The following CAMK4 variants were observed in gnomAD, a reference collection of about 807,000 sequenced individuals.
CAMK4 encodes calcium/calmodulin dependent protein kinase IV.
CAMK4 carries 22 observed loss-of-function variants against 44.9 expected under a neutral mutation model. That is an observed-to-expected ratio of 0.49 (90% CI 0.35 to 0.70). The LOEUF is 0.70. CAMK4 is among the 30% of genes least tolerant of loss of function. The pLI is 0.01. For missense variants in CAMK4, 498 were observed against 586.8 expected (o/e 0.85, Z 1.56); for synonymous variants, 218 against 215.4 (o/e 1.01, Z -0.11).
At chr5:111,460,557 A>C (rs1252451848) in intron 7 of CAMK4, among the ~76,000 whole-genome samples, 1 of 152,106 alleles carries the variant, frequency 6.6e-6, no homozygotes, top group Non-Finnish European at 1.5e-5. Flanking sequence ...GAGACACTTT[A>C]AATTCTAAGT....
chr5:111,469,550 G>A (rs1459327349), intron 7 of CAMK4, among the ~76,000 whole-genome samples: 1 of 152,154 alleles, frequency 6.6e-6, no homozygotes, highest in Non-Finnish European at 1.5e-5. Flanking sequence ...AAAGCAGTTT[G>A]TGACACACTA....
chr5:111,274,842 C>A (rs1244665496), intron 1 of CAMK4, among the ~76,000 whole-genome samples: 2 of 151,862 alleles, frequency 1.3e-5, no homozygotes, highest in African/African-American at 2.4e-5. Context: ...CAGTTTCTTC[C>A]TTAAAATGTG....
intron 2 of CAMK4, among the ~76,000 whole-genome samples, chr5:111,361,636 A>G (rs1750595476): frequency 6.6e-6 from 1 of 152,058 alleles, no homozygotes; most frequent in Admixed American, 6.6e-5. Context: ...TTTATGGTCA[A>G]CTTAGATGTG....
At chr5:111,451,710 C>T (rs1418041958) in intron 7 of CAMK4, among the ~76,000 whole-genome samples, 1 of 151,950 alleles carries the variant, frequency 6.6e-6, no homozygotes, top group East Asian at 1.9e-4. Context: ...TCAAGACGAG[C>T]CTGGCCAACA....
intron 5 of CAMK4, among the ~76,000 whole-genome samples, chr5:111,417,659 T>A (rs1752864649): frequency 6.6e-6 from 1 of 152,218 alleles, no homozygotes; most frequent in Non-Finnish European, 1.5e-5. Context: ...CCTGACCAAT[T>A]TATCAACTTT....
intron 2 of CAMK4, among the ~76,000 whole-genome samples, chr5:111,344,452 T>C (rs1284681689): frequency 6.6e-6 from 1 of 151,386 alleles, no homozygotes; most frequent in East Asian, 1.9e-4. Flanking sequence ...ACACACTATA[T>C]AATAATTTCA....
At chr5:111,235,083 A>G (rs1748653252) in intron 1 of CAMK4, among the ~76,000 whole-genome samples, 1 of 152,138 alleles carries the variant, frequency 6.6e-6, no homozygotes. Context: ...TTTACTTTTC[A>G]TTGCTCAGAA....
At chr5:111,225,180 A>G (rs1376992199) in intron 1 of CAMK4, among the ~76,000 whole-genome samples, 1 of 152,210 alleles carries the variant, frequency 6.6e-6, no homozygotes, top group Non-Finnish European at 1.5e-5. Context: ...ATCATTTAAG[A>G]GAGTTGAAGG....
intron 1 of CAMK4, among the ~76,000 whole-genome samples, chr5:111,228,995 G>A (rs1748333400): frequency 6.6e-6 from 1 of 152,220 alleles, no homozygotes; most frequent in South Asian, 2.1e-4. Flanking sequence ...CAGAGACTGA[G>A]AAGTGGTATA....
intron 7 of CAMK4, among the ~76,000 whole-genome samples, chr5:111,455,330 T>C (rs935029056): frequency 1.3e-5 from 2 of 152,192 alleles, no homozygotes; most frequent in African/African-American, 4.8e-5. Context: ...ATATTTCATA[T>C]ATACTATGAC....
chr5:111,398,752 T>C (rs1278768772), intron 5 of CAMK4, among the ~76,000 whole-genome samples: 10 of 152,190 alleles, frequency 6.6e-5, no homozygotes, highest in Non-Finnish European at 1.5e-5. Context: ...CAAAAAACTC[T>C]TATAAGGTTC....
At chr5:111,261,912 G>C (rs561313266) in intron 1 of CAMK4, among the ~76,000 whole-genome samples, 3 of 152,014 alleles carry the variant, frequency 2.0e-5, no homozygotes, top group Non-Finnish European at 4.4e-5. Context: ...CCATTGTCCA[G>C]AGGCAAAACT....
intron 4 of CAMK4, among the ~76,000 whole-genome samples, chr5:111,380,091 G>C (rs1256723381): frequency 2.0e-5 from 3 of 152,062 alleles, no homozygotes; most frequent in Admixed American, 2.0e-4. Context: ...CATTTTCATT[G>C]AATTATTGAA....
chr5:111,391,076 TA>T (rs1478944210), intron 4 of CAMK4, among the ~76,000 whole-genome samples: 1 of 152,200 alleles, frequency 6.6e-6, no homozygotes, highest in Non-Finnish European at 1.5e-5. Context: ...CAGTAAGGTC[TA>T]AAAAGCTAAT....
intron 2 of CAMK4, among the ~76,000 whole-genome samples, chr5:111,350,142 T>G (rs1750032216): frequency 6.6e-6 from 1 of 152,056 alleles, no homozygotes; most frequent in Non-Finnish European, 1.5e-5. Flanking sequence ...AATCTGTTTT[T>G]TCATCTTTAA....
chr5:111,473,166 T>C, intron 7 of CAMK4, 145 bp from the exon 8 acceptor site: 2 of 684,074 alleles, frequency 2.9e-6, no homozygotes, highest in Admixed American at 2.4e-5. Flanking sequence ...TATTTATAGC[T>C]TCATACTGTG....
chr5:111,418,894 A>C (rs1561475424), intron 5 of CAMK4, among the ~76,000 whole-genome samples: 1 of 152,172 alleles, frequency 6.6e-6, no homozygotes, highest in Non-Finnish European at 1.5e-5. Flanking sequence ...ATAGTGCCGC[A>C]ATAAACATAT....
chr5:111,372,416 T>C (rs1335172678), intron 2 of CAMK4, among the ~76,000 whole-genome samples: 1 of 152,100 alleles, frequency 6.6e-6, no homozygotes, highest in Non-Finnish European at 1.5e-5. Flanking sequence ...GATAATACTA[T>C]TTGAGATTAG....
intron 1 of CAMK4, among the ~76,000 whole-genome samples, chr5:111,322,693 A>G (rs1593865): frequency 0.038 from 5,788 of 152,068 alleles, 352 homozygotes; most frequent in African/African-American, 0.13. Context: ...ACTTGGAGAT[A>G]ATACAGATGT....
Sources: gnomAD v4.1 joint callset for allele counts (sites outside exome capture counted in the v4.1 genomes callset) on GRCh38, gnomAD v4.1.1 for gene constraint, MANE v1.5 for transcripts, NCBI Gene and HGNC (gene_info 2026-07-23, HGNC 2026-07-21) for gene names.